The following USO1 variants were observed in gnomAD, a reference collection of about 807,000 sequenced individuals.
USO1 encodes the protein USO1 vesicle transport factor.
USO1 carries 57 observed loss-of-function variants against 124.5 expected under a neutral mutation model. That is an observed-to-expected ratio of 0.46 (90% CI 0.37 to 0.57). The LOEUF (loss-of-function observed/expected upper bound fraction) is 0.57, where lower values mean the gene tolerates loss of function less well. Among genes scored for constraint, USO1 ranks in the 20% least tolerant of loss-of-function variants. The pLI, the probability that USO1 is intolerant of heterozygous loss-of-function variation, is 0.00. For synonymous variants in USO1, 369 were observed against 362.8 expected (o/e 1.02, Z -0.19); for missense variants, 900 against 1,040.6 (o/e 0.86, Z 1.86).
At chr4:75,791,879 T>G (rs1457621029) in intron 12 of USO1, among the ~76,000 whole-genome samples, 1 of 152,192 alleles carries the variant, frequency 6.6e-6, no homozygotes, top group African/African-American at 2.4e-5. Context: ...AGTAGAATGA[T>G]CAAAATGTGG....
chr4:75,793,710 G>T lies in USO1; in HGVS notation c.1261G>T (p.Ala421Ser), dbSNP rs1722596535. The T allele has an allele frequency of 6.2e-7, 1 of 1,609,732 alleles. No homozygotes were observed. Among genetic ancestry groups the T allele is most frequent in the Admixed American group, 1.7e-5 (1 of 59,352 alleles). ...TGTAGCAACAGGTAATTCAGTTTCA[G>T]CTGGCCAGTTATTATGTGGAGGTTT... ...TIDATGNSVS[A>S]GQLLCGGLFS... Residue 421 changes from alanine (A) to serine (S), a missense_variant, in exon 13 of 24, where the codon GCT becomes TCT. Physicochemically the swap from Ala to Ser is moderately conservative, Grantham distance 99. Transcript: ENST00000514213.
chr4:75,766,554 A>G (rs1400928862), intron 4 of USO1, among the ~76,000 whole-genome samples: 1 of 152,206 alleles, frequency 6.6e-6, no homozygotes, highest in African/African-American at 2.4e-5. Context: ...GTCATACAAC[A>G]AAGACGTACC....
At chr4:75,738,797 T>A (rs1001661281) in intron 1 of USO1, among the ~76,000 whole-genome samples, 3 of 151,798 alleles carry the variant, frequency 2.0e-5, no homozygotes, top group Non-Finnish European at 4.4e-5. Flanking sequence ...ATATATATAT[T>A]TTTTTATCCT....
intron 8 of USO1, among the ~76,000 whole-genome samples, chr4:75,782,423 A>G (rs1320751966): frequency 6.6e-6 from 1 of 152,196 alleles, no homozygotes; most frequent in Non-Finnish European, 1.5e-5. Context: ...AATGATGTTT[A>G]AGCTGGGATT....
rs191766547 is a variant in USO1, at chr4:75,737,951, C to T, written c.66+13066C>T. 4.6e-3 allele frequency among the ~76,000 whole-genome samples: 696 copies of T among 151,852 alleles called. 28 individuals carry two copies. The highest frequency in any genetic ancestry group is 0.043 in the Admixed American group (652 of 15,264). ...CAAGCGATTCTCCTGCCTCAGCCTC[C>T]TGAGTAGCTGGGATCACGGGCATGT... On this transcript the variant is annotated intron_variant, in intron 1 of 23. Coordinates refer to ENST00000514213, the MANE Select transcript of USO1 (RefSeq NM_003715.4).
intron 1 of USO1, among the ~76,000 whole-genome samples, chr4:75,734,042 T>G (rs1720716729): frequency 6.7e-6 from 1 of 149,690 alleles, no homozygotes. Flanking sequence ...GCCTCCCGGA[T>G]TCAAGCGATT....
intron 1 of USO1, among the ~76,000 whole-genome samples, chr4:75,747,974 C>A (rs1721178296): frequency 7.5e-6 from 1 of 132,850 alleles, no homozygotes; most frequent in South Asian, 2.5e-4. Context: ...ATGGTGCGAT[C>A]TCGGCTCACC....
chr4:75,758,067 G>A (rs1023722293), intron 4 of USO1, among the ~76,000 whole-genome samples: 7 of 151,418 alleles, frequency 4.6e-5, no homozygotes, highest in Admixed American at 3.3e-4. Flanking sequence ...GCTATAAATC[G>A]GTTTGAAATC....
intron 1 of USO1, among the ~76,000 whole-genome samples, chr4:75,726,137 C>T (rs1336849595): frequency 2.6e-5 from 4 of 152,082 alleles, no homozygotes; most frequent in Non-Finnish European, 4.4e-5. Flanking sequence ...CAGAATTAGC[C>T]GGCCGTGGTG....
In USO1 at chr4:75,727,192, C is replaced by T. The variant is rs533770189; in HGVS notation, c.66+2307C>T. Among the ~76,000 whole-genome samples the T allele has an allele frequency of 2.0e-5, 3 of 152,292 alleles. 1 individual carries two copies. The highest frequency in any genetic ancestry group is 7.2e-5 in the African/African-American group (3 of 41,562). On this transcript the variant is annotated intron_variant, in intron 1 of 23. Transcript: ENST00000514213. Reference sequence around the variant, plus strand: ...AGCTAGAAAGTCCCAGATAGAGCCTCTTCATTTTATAGTCACAGAGCACTA... The same window carrying T: ...AGCTAGAAAGTCCCAGATAGAGCCTTTTCATTTTATAGTCACAGAGCACTA...
At chr4:75,780,854 C>A (rs1435572103) in intron 8 of USO1, among the ~76,000 whole-genome samples, 1 of 151,450 alleles carries the variant, frequency 6.6e-6, no homozygotes, top group East Asian at 1.9e-4. Context: ...ACCATGTTGG[C>A]CAGGCTGGCC....
intron 20 of USO1, 74 bp downstream of exon 20, chr4:75,806,646 C>G (rs1723005655): frequency 6.7e-7 from 1 of 1,496,764 alleles, no homozygotes; most frequent in Non-Finnish European, 8.9e-7. Flanking sequence ...TATAGTTTCA[C>G]AAATCTAGAA....
chr4:75,813,134 A>G lies in USO1; in HGVS notation c.2800-72A>G, dbSNP rs2149198616. On this transcript the variant is annotated intron_variant, in intron 23 of 23. Transcript: ENST00000514213. ...CTCAGAAAAAAAAAAAATTATCAGT[A>G]GTATATATTGTTAAATGTTGAATGT... 9.4e-6 allele frequency: 14 copies of G among 1,487,046 alleles called. No individual in the cohort carries two copies. In the South Asian group the frequency reaches 2.0e-4, roughly 21 times the overall value. The allele number at this position is 1,487,046 out of a possible 1,614,324, so 92.1% of individuals were successfully genotyped here. A position where few individuals can be genotyped will look rare whatever the true frequency, so the allele number is the denominator to read the frequency against.
chr4:75,734,763 C>G (rs1199851803), intron 1 of USO1, among the ~76,000 whole-genome samples: 2 of 99,784 alleles, frequency 2.0e-5, no homozygotes, highest in Admixed American at 3.3e-4. Context: ...GAGCCTTGCT[C>G]TGTTGCCCAG....
At chr4:75,774,112 G>A (rs1243608470) in intron 7 of USO1, among the ~76,000 whole-genome samples, 1 of 152,130 alleles carries the variant, frequency 6.6e-6, no homozygotes, top group Non-Finnish European at 1.5e-5. Flanking sequence ...AGAGGCAATG[G>A]CTGCTGTGAA....
chr4:75,804,292 C>T lies in USO1; in HGVS notation c.2125+20C>T. 6.2e-7 allele frequency: 1 copy of T among 1,605,934 alleles called. No individual in the cohort carries two copies. The highest frequency in any genetic ancestry group is 8.5e-7 in the Non-Finnish European group (1 of 1,176,268). ...AGCTAGGTAAGCATAGCTAAGCCAT[C>T]ACTATGATAGCACTCAGGTCATTCT... On this transcript the variant is annotated intron_variant, in intron 18 of 23. Coordinates refer to ENST00000514213, the MANE Select transcript of USO1 (RefSeq NM_003715.4).
chr4:75,762,415 G>T (rs1373377671), intron 4 of USO1, among the ~76,000 whole-genome samples: 4 of 151,578 alleles, frequency 2.6e-5, no homozygotes, highest in African/African-American at 7.3e-5. Flanking sequence ...GCCCTTCTTG[G>T]CCTCCCAAAG....
intron 21 of USO1, 62 bp from the exon 22 acceptor site, chr4:75,810,370 T>C: frequency 6.7e-7 from 1 of 1,494,686 alleles, no homozygotes; most frequent in Non-Finnish European, 8.9e-7. Flanking sequence ...AAATAACCCT[T>C]TGGGAGTTCA....
intron 17 of USO1, 43 bp from the exon 18 acceptor site, chr4:75,804,091 C>T (rs1722926179): frequency 6.3e-7 from 1 of 1,595,570 alleles, no homozygotes; most frequent in Non-Finnish European, 8.5e-7. Context: ...TTAATGCTAA[C>T]GAGTATGACT....
Sources: allele counts gnomAD v4.1 joint callset (sites outside exome capture counted in the v4.1 genomes callset), GRCh38; gene constraint gnomAD v4.1.1; transcripts MANE v1.5; gene names NCBI Gene and HGNC (gene_info 2026-07-23, HGNC 2026-07-21).